The following NHEJ1 variants were observed in gnomAD, a reference collection of about 807,000 sequenced individuals.
The protein encoded by NHEJ1 is non-homologous end joining factor 1.
A neutral mutation model predicts 39.4 loss-of-function variants in NHEJ1; 22 were observed. The observed-to-expected ratio is 0.56, with a 90% CI of 0.40 to 0.80. NHEJ1 has a LOEUF of 0.80. Ranked by LOEUF, NHEJ1 falls within the 30% of genes least tolerant of loss-of-function variation. NHEJ1 has a pLI of 0.00. For synonymous variants in NHEJ1, 154 were observed against 135.6 expected, an observed-to-expected ratio of 1.14 and a Z score of -0.94; for missense variants, 329 against 357.1, an observed-to-expected ratio of 0.92 and a Z score of 0.63.
At chr2:219,143,365 G>A (rs1949708939) in intron 5 of NHEJ1, among the ~76,000 whole-genome samples, 1 of 152,092 alleles carries the variant, frequency 6.6e-6, no homozygotes, top group East Asian at 1.9e-4. Flanking sequence ...AGCTATACAG[G>A]ACATTCTGAG....
At position 219,142,029 on chromosome 2, in the gene NHEJ1, A is replaced by G. The variant is rs575629806; in HGVS notation, c.588+4651T>C. 2.0e-5 allele frequency among the ~76,000 whole-genome samples: 3 copies of G among 152,342 alleles called. No individual in the cohort carries two copies. The East Asian group carries it at 5.8e-4, about 29-fold the overall frequency. Reference sequence around the variant, plus strand: ...AGTATCTGCTCTAGAATCAGGCTGCAACCAGACAGGAGCTGAAGACAGTAA... The same window carrying G: ...AGTATCTGCTCTAGAATCAGGCTGCGACCAGACAGGAGCTGAAGACAGTAA... On this transcript the variant is annotated intron_variant, in intron 5 of 7. Coordinates refer to ENST00000356853, the MANE Select transcript of NHEJ1 (RefSeq NM_024782.3).
intron 1 of NHEJ1, among the ~76,000 whole-genome samples, chr2:219,159,566 TATATATATGC>T (rs201450075): frequency 0.03 from 521 of 17,508 alleles, 50 homozygotes; most frequent in South Asian, 0.11. Context: ...TATATATGCA[TATATATATGC>T]ATATATATAT....
chr2:219,095,953 T>C (rs1949204530), intron 5 of NHEJ1, among the ~76,000 whole-genome samples: 1 of 151,456 alleles, frequency 6.6e-6, no homozygotes, highest in Non-Finnish European at 1.5e-5. Context: ...TGGAGACTCA[T>C]ATTAAGGGGC....
chr2:219,103,192 A>G (rs1949281877), intron 5 of NHEJ1, among the ~76,000 whole-genome samples: 1 of 151,334 alleles, frequency 6.6e-6, no homozygotes, highest in African/African-American at 2.4e-5. Context: ...AAAAACTGAA[A>G]ACTGTTTTCA....
At chr2:219,081,894 A>T (rs1167686189) in intron 5 of NHEJ1, among the ~76,000 whole-genome samples, 1 of 152,210 alleles carries the variant, frequency 6.6e-6, no homozygotes. Flanking sequence ...GGGTATGTGG[A>T]TGTGTCTCAT....
At chr2:219,095,199 G>A (rs1275173104) in intron 5 of NHEJ1, 1 of 442,872 alleles carries the variant, frequency 2.3e-6, no homozygotes, top group East Asian at 7.1e-5. Context: ...CTTCCATTCA[G>A]CCTAACTACC....
At chr2:219,151,453 C>A (rs962227233) in intron 3 of NHEJ1, among the ~76,000 whole-genome samples, 1 of 152,148 alleles carries the variant, frequency 6.6e-6, no homozygotes, top group South Asian at 2.1e-4. Flanking sequence ...CCACATCAGG[C>A]AACTGAAATT....
rs1948994345 is a variant in NHEJ1 at position 219,074,526 on chromosome 2, C to A, written c.*1855G>T. On this transcript the variant is annotated 3_prime_UTR_variant, in exon 8 of 8. Transcript: ENST00000356853. ...TGGGAGGCCGAGGCAGGTAGATCAC[C>A]TGAGGTCAGGAGTTCGAGACCAGCC... Among the ~76,000 whole-genome samples, 1 of 151,934 alleles carries A rather than the reference C, an allele frequency of 6.6e-6. No individual in the cohort carries two copies. Among genetic ancestry groups the A allele is most frequent in the Admixed American group, 6.6e-5 (1 of 15,254 alleles).
chr2:219,136,722 C>T (rs1949633594), intron 5 of NHEJ1, among the ~76,000 whole-genome samples: 1 of 151,912 alleles, frequency 6.6e-6, no homozygotes, highest in South Asian at 2.1e-4. Flanking sequence ...CCTGCTTCAG[C>T]CTCCTGAGTA....
At chr2:219,094,641 C>T (rs1574708382) in intron 5 of NHEJ1, among the ~76,000 whole-genome samples, 2 of 152,180 alleles carry the variant, frequency 1.3e-5, no homozygotes, top group East Asian at 3.8e-4. Flanking sequence ...TTTCACTAAG[C>T]AGGAGAGAAT....
chr2:219,142,410 G>A (rs552316159), intron 5 of NHEJ1, among the ~76,000 whole-genome samples: 17 of 152,284 alleles, frequency 1.1e-4, no homozygotes, highest in South Asian at 1.0e-3. Flanking sequence ...GCCTGGCCGC[G>A]TCTGGTTTGA....
At chr2:219,136,059 G>A (rs528404593) in intron 5 of NHEJ1, among the ~76,000 whole-genome samples, 1 of 152,154 alleles carries the variant, frequency 6.6e-6, no homozygotes, top group African/African-American at 2.4e-5. Context: ...CTTCTATCCA[G>A]CCTGATATAC....
Position 219,111,650 on chromosome 2 carries a change from CACACACACACACAG to C in NHEJ1, c.589-33458_589-33445del, listed in dbSNP as rs1015761151. ...ACAGACACACACACACACACACACA[CACACACACACACAG>C]AGAGATACATACAGTCAGTGGGAAA... On this transcript the variant is annotated intron_variant, in intron 5 of 7. Transcript: ENST00000356853. The surrounding 1 kb of genome is among the most constrained non-coding windows in gnomAD (Gnocchi z 4.1). Among the ~76,000 whole-genome samples, 14 of 151,534 alleles carry C rather than the reference CACACACACACACAG, an allele frequency of 9.2e-5. No homozygotes were observed. The highest frequency in any genetic ancestry group is 1.8e-4 in the Non-Finnish European group (12 of 67,916).
chr2:219,078,327 T>C lies in NHEJ1; in HGVS notation c.589-121A>G, dbSNP rs895259294. On this transcript the variant is annotated intron_variant, in intron 5 of 7. Transcript: ENST00000356853. ...ATTAATATAAAGCAGTTAGATCCAA[T>C]AGGGGGCGACCATATCCAAGCCTGG... 10 of 869,174 alleles carry C rather than the reference T, an allele frequency of 1.2e-5. No homozygotes were observed. The African/African-American group carries it at 1.3e-4, about 11-fold the overall frequency. The allele number at this position is 869,174 out of a possible 1,614,324, so 53.8% of individuals were successfully genotyped here.
intron 3 of NHEJ1, among the ~76,000 whole-genome samples, chr2:219,156,607 C>G (rs904023812): frequency 1.3e-5 from 2 of 152,192 alleles, no homozygotes; most frequent in African/African-American, 4.8e-5. Context: ...TTGGACCAGA[C>G]TAATCTGGGA....
intron 5 of NHEJ1, among the ~76,000 whole-genome samples, chr2:219,128,281 C>T (rs528359937): frequency 4.6e-5 from 7 of 152,248 alleles, no homozygotes; most frequent in East Asian, 1.9e-4. Context: ...CAATGAACAG[C>T]GTATCAAACA....
intron 5 of NHEJ1, among the ~76,000 whole-genome samples, chr2:219,131,564 A>G (rs1480092090): frequency 6.6e-6 from 1 of 152,210 alleles, no homozygotes; most frequent in East Asian, 1.9e-4. Flanking sequence ...CTAGATATTC[A>G]TCTTGTTCTA....
In NHEJ1 at chr2:219,146,876, G is replaced by A. The variant is rs141865588; in HGVS notation, c.530-138C>T. 8.5e-4 allele frequency: 605 copies of A among 709,530 alleles called. 1 individual carries two copies. Among genetic ancestry groups the A allele is most frequent in the Non-Finnish European group, 1.4e-3 (558 of 395,902 alleles). 44.0% of individuals were successfully genotyped at this position (709,530 alleles called of 1,614,324 possible). ...TGCAGAGACACCTAGTTCAGTGGGA[G>A]AAGAAGGGCTGAGAGCATGTGGGCA... On this transcript the variant is annotated intron_variant, in intron 4 of 7. Coordinates refer to ENST00000356853, the MANE Select transcript of NHEJ1 (RefSeq NM_024782.3).
chr2:219,117,803 T>C (rs1360055310), intron 5 of NHEJ1, among the ~76,000 whole-genome samples: 1 of 152,212 alleles, frequency 6.6e-6, no homozygotes, highest in East Asian at 1.9e-4. Context: ...TTTTACTCTG[T>C]ATCATAGAAA....
Sources: allele counts gnomAD v4.1 joint callset (sites outside exome capture counted in the v4.1 genomes callset), GRCh38; gene constraint gnomAD v4.1.1; non-coding constraint Gnocchi (gnomAD v3.1); transcripts MANE v1.5; gene names NCBI Gene and HGNC (gene_info 2026-07-23, HGNC 2026-07-21).